The following MAP3K5 variants were observed in gnomAD, a reference collection of about 807,000 sequenced individuals.
The protein encoded by MAP3K5 is ASK-1.
A neutral mutation model predicts 158.7 loss-of-function variants in MAP3K5; 56 were observed. That is an observed-to-expected ratio of 0.35 (90% CI 0.28 to 0.44). The LOEUF (loss-of-function observed/expected upper bound fraction) is 0.44. MAP3K5 is among the 20% of genes least tolerant of loss of function. The pLI, the probability that MAP3K5 is intolerant of heterozygous loss-of-function variation, is 1.00. For synonymous variants in MAP3K5, 579 were observed against 601.7 expected, an observed-to-expected ratio of 0.96 and a Z score of 0.55; for missense variants, 1,294 against 1,674.8, an observed-to-expected ratio of 0.77 and a Z score of 3.97.
intron 2 of MAP3K5, among the ~76,000 whole-genome samples, chr6:136,712,966 T>C (rs892040386): frequency 5.3e-5 from 8 of 152,316 alleles, no homozygotes; most frequent in South Asian, 2.1e-4. Flanking sequence ...TCTTTTTCTT[T>C]ATAAATTACC....
chr6:136,718,232 C>G (rs1196212379), intron 2 of MAP3K5, among the ~76,000 whole-genome samples: 1 of 152,000 alleles, frequency 6.6e-6, no homozygotes, highest in Non-Finnish European at 1.5e-5. Flanking sequence ...TTTTTTGAGA[C>G]AGGGTCTTGC....
chr6:136,770,905 TATA>T (rs879383564), intron 1 of MAP3K5, among the ~76,000 whole-genome samples: 7 of 151,942 alleles, frequency 4.6e-5, no homozygotes, highest in East Asian at 1.9e-4. Context: ...TGAGGAAAAA[TATA>T]ATAAATTTTT....
intron 1 of MAP3K5, among the ~76,000 whole-genome samples, chr6:136,747,880 G>A (rs965154255): frequency 6.6e-6 from 1 of 152,094 alleles, no homozygotes; most frequent in African/African-American, 2.4e-5. Flanking sequence ...CATAAACAGG[G>A]TAAAAAGGAA....
Position 136,609,644 on chromosome 6 carries a change from A to G in MAP3K5, c.2521+1638T>C, listed in dbSNP as rs979915236. Among the ~76,000 whole-genome samples, 1 of 151,690 alleles carries G rather than the reference A, an allele frequency of 6.6e-6. No homozygotes were observed. Among genetic ancestry groups the G allele is most frequent in the African/African-American group, 2.4e-5 (1 of 41,250 alleles). ...CCTGTCTCTACCAAAAATACAAAAA[A>G]TTAGCCAGGCATGGAGGTGCGTGCC... On this transcript the variant is annotated intron_variant, in intron 18 of 29. Transcript: ENST00000359015. The surrounding 1 kb of genome is among the most constrained non-coding windows in gnomAD (Gnocchi z 4.4).
At chr6:136,656,093 G>A in intron 10 of MAP3K5, 1 of 503,858 alleles carries the variant, frequency 2.0e-6, no homozygotes, top group Middle Eastern at 5.3e-4. Flanking sequence ...CAAATTCCAT[G>A]GCAAAAACAT....
intron 1 of MAP3K5, among the ~76,000 whole-genome samples, chr6:136,789,340 G>A (rs764974456): frequency 3.9e-5 from 6 of 152,020 alleles, no homozygotes; most frequent in Non-Finnish European, 7.4e-5. Context: ...AGAAACAAAG[G>A]GTTTGGATAA....
intron 7 of MAP3K5, among the ~76,000 whole-genome samples, chr6:136,690,444 G>A (rs748132822): frequency 3.3e-5 from 5 of 152,178 alleles, no homozygotes; most frequent in South Asian, 2.1e-4. Context: ...TTTTAAGTGC[G>A]TATAGAAATT....
chr6:136,647,243 C>A lies in MAP3K5; in HGVS notation c.1788+3741G>T, dbSNP rs568320776. 3.3e-5 allele frequency among the ~76,000 whole-genome samples: 5 copies of A among 152,298 alleles called. No homozygotes were observed. The South Asian group carries it at 1.0e-3, about 32-fold the overall frequency. On this transcript the variant is annotated intron_variant, in intron 11 of 29. Transcript: ENST00000359015. ...TCAGTCTTATAGCTACACTAGCAAC[C>A]ATTATGGAGCACTTGTTCCAAGCCA...
intron 1 of MAP3K5, among the ~76,000 whole-genome samples, chr6:136,788,803 G>T (rs1341171730): frequency 6.6e-6 from 1 of 152,208 alleles, no homozygotes; most frequent in Admixed American, 6.5e-5. Context: ...CTGTTGGTGA[G>T]AATGTAAATT....
At chr6:136,639,980 G>T (rs959757356) in intron 12 of MAP3K5, among the ~76,000 whole-genome samples, 1 of 151,870 alleles carries the variant, frequency 6.6e-6, no homozygotes, top group African/African-American at 2.4e-5. Flanking sequence ...CCAACTGGCT[G>T]GCTAACCTCG....
At chr6:136,702,513 A>C (rs1188234505) in intron 3 of MAP3K5, among the ~76,000 whole-genome samples, 1 of 152,244 alleles carries the variant, frequency 6.6e-6, no homozygotes, top group African/African-American at 2.4e-5. Flanking sequence ...CTATGTGATC[A>C]AGAACAGACA....
At chr6:136,560,532 C>T (rs770015604) in intron 28 of MAP3K5, among the ~76,000 whole-genome samples, 24 of 152,064 alleles carry the variant, frequency 1.6e-4, no homozygotes, top group Non-Finnish European at 3.2e-4. Flanking sequence ...TAGATTATTA[C>T]AGGTAAAATA....
At chr6:136,756,760 A>C (rs1783510226) in intron 1 of MAP3K5, among the ~76,000 whole-genome samples, 1 of 152,158 alleles carries the variant, frequency 6.6e-6, no homozygotes, top group Admixed American at 6.5e-5. Flanking sequence ...TGGGAGAGAG[A>C]CACTTGCAAG....
At chr6:136,772,100 G>GC (rs1784225831) in intron 1 of MAP3K5, among the ~76,000 whole-genome samples, 21 of 121,796 alleles carry the variant, frequency 1.7e-4, no homozygotes, top group Admixed American at 8.6e-4. Context: ...AGTAGAAATG[G>GC]GGGGGGGGGG....
At chr6:136,614,117 C>T (rs1776460331) in intron 16 of MAP3K5, 42 bp downstream of exon 16, 2 of 1,601,888 alleles carry the variant, frequency 1.2e-6, no homozygotes, top group Non-Finnish European at 1.7e-6. Flanking sequence ...CCCTCCGAAG[C>T]TCTAAACATT....
intron 2 of MAP3K5, among the ~76,000 whole-genome samples, chr6:136,715,620 G>A (rs911854864): frequency 2.0e-5 from 3 of 152,124 alleles, no homozygotes; most frequent in Non-Finnish European, 2.9e-5. Context: ...TATATAGATG[G>A]TATGATACTG....
At chr6:136,585,503 T>TTCTTTCTTTCTTTCTTTCTTTCTC (rs1775100393) in intron 23 of MAP3K5, among the ~76,000 whole-genome samples, 1 of 145,368 alleles carries the variant, frequency 6.9e-6, no homozygotes, top group South Asian at 2.2e-4. Flanking sequence ...ATTTATTTAT[T>TTCTTTCTTTCTTTCTTTCTTTCTC]TATTTATTTA....
intron 7 of MAP3K5, among the ~76,000 whole-genome samples, chr6:136,671,414 A>C (rs1038902855): frequency 6.6e-6 from 1 of 152,204 alleles, no homozygotes; most frequent in Non-Finnish European, 1.5e-5. Context: ...CATGAGACTA[A>C]ATTGAGTACT....
intron 23 of MAP3K5, among the ~76,000 whole-genome samples, chr6:136,585,459 C>CTTTTCTTTTCT (rs1309464961): frequency 2.1e-4 from 27 of 130,770 alleles, no homozygotes; most frequent in East Asian, 1.8e-3. Context: ...ATATTGCTTC[C>CTTTTCTTTTCT]TTTCTTTTCT....
Sources: gnomAD v4.1 joint callset for allele counts (sites outside exome capture counted in the v4.1 genomes callset) on GRCh38, gnomAD v4.1.1 for gene constraint, Gnocchi (gnomAD v3.1) non-coding constraint, MANE v1.5 for transcripts, NCBI Gene and HGNC (gene_info 2026-07-23, HGNC 2026-07-21) for gene names.